Variants in SHISA6 observed in about 807,000 individuals in gnomAD.
SHISA6 encodes protein shisa-6.
Under a neutral mutation model 47.9 loss-of-function variants are expected in SHISA6, and 22 were observed. The observed-to-expected ratio is 0.46, with a 90% CI of 0.33 to 0.66. SHISA6 has a LOEUF of 0.66. SHISA6 is among the 30% of genes least tolerant of loss of function. The pLI, the probability that SHISA6 is intolerant of heterozygous loss-of-function variation, is 0.02. For missense variants in SHISA6, 680 were observed against 764.6 expected (o/e 0.89, Z 1.30); for synonymous variants, 388 against 337.8 (o/e 1.15, Z -1.63).
At chr17:11,519,589 C>T (rs1280450521) in intron 3 of SHISA6, among the ~76,000 whole-genome samples, 1 of 152,062 alleles carries the variant, frequency 6.6e-6, no homozygotes, top group Non-Finnish European at 1.5e-5. Flanking sequence ...AGGACAACTA[C>T]GAACGTACTT....
intron 3 of SHISA6, among the ~76,000 whole-genome samples, chr17:11,421,730 A>G (rs947839131): frequency 3.9e-5 from 6 of 152,242 alleles, no homozygotes; most frequent in African/African-American, 1.4e-4. Flanking sequence ...TTCCAGTAAG[A>G]TAGCAAATCC....
intron 3 of SHISA6, among the ~76,000 whole-genome samples, chr17:11,499,656 G>C (rs999066720): frequency 6.7e-6 from 1 of 148,886 alleles, no homozygotes; most frequent in Admixed American, 6.7e-5. Context: ...TTTCTTTTAA[G>C]TAATTTGAAA....
At chr17:11,288,916 TA>T (rs1286098438) in intron 2 of SHISA6, 1 of 152,212 alleles carries the variant, frequency 6.6e-6, no homozygotes, top group Non-Finnish European at 1.5e-5. Flanking sequence ...CACTTCTTTC[TA>T]GAGTGGAAAT....
At chr17:11,410,387 A>G (rs1914081625) in intron 3 of SHISA6, among the ~76,000 whole-genome samples, 1 of 152,324 alleles carries the variant, frequency 6.6e-6, no homozygotes, top group South Asian at 2.1e-4. Context: ...AGTAGGTACT[A>G]TGAACTTCTG....
At chr17:11,378,130 G>A (rs1190631991) in intron 2 of SHISA6, among the ~76,000 whole-genome samples, 2 of 152,088 alleles carry the variant, frequency 1.3e-5, no homozygotes, top group East Asian at 1.9e-4. Flanking sequence ...AAAAAATCAC[G>A]CTTTGTGTTG....
At chr17:11,294,543 A>T (rs1364678361) in intron 2 of SHISA6, among the ~76,000 whole-genome samples, 1 of 152,186 alleles carries the variant, frequency 6.6e-6, no homozygotes, top group African/African-American at 2.4e-5. Context: ...ACAGAATCCC[A>T]CTGCCAGTCT....
chr17:11,441,366 C>T (rs1000978814), intron 3 of SHISA6, among the ~76,000 whole-genome samples: 2 of 152,160 alleles, frequency 1.3e-5, no homozygotes, highest in African/African-American at 4.8e-5. Context: ...CTAGAACCAT[C>T]AGGAACATGA....
intron 1 of SHISA6, among the ~76,000 whole-genome samples, chr17:11,261,643 C>T (rs188832391): frequency 6.6e-6 from 1 of 152,276 alleles, no homozygotes; most frequent in East Asian, 1.9e-4. Context: ...ATCAGTATGC[C>T]TTTTTTAAAT....
intron 2 of SHISA6, among the ~76,000 whole-genome samples, chr17:11,331,880 G>A (rs977813557): frequency 1.6e-4 from 24 of 151,960 alleles, no homozygotes; most frequent in African/African-American, 5.3e-4. Flanking sequence ...TCCCAGCTCT[G>A]CACACAAACA....
chr17:11,473,465 A>G (rs997626570), intron 3 of SHISA6, among the ~76,000 whole-genome samples: 6 of 152,172 alleles, frequency 3.9e-5, no homozygotes, highest in African/African-American at 1.4e-4. Context: ...TGTTCCTCAC[A>G]TGGCAGAAGA....
At chr17:11,427,554 A>G (rs545621572) in intron 3 of SHISA6, among the ~76,000 whole-genome samples, 1 of 152,230 alleles carries the variant, frequency 6.6e-6, no homozygotes, top group South Asian at 2.1e-4. Context: ...AACTGGCCAG[A>G]CCTGTCTCAC....
chr17:11,427,057 A>C (rs1279012461), intron 3 of SHISA6, among the ~76,000 whole-genome samples: 1 of 152,166 alleles, frequency 6.6e-6, no homozygotes. Flanking sequence ...GGGTAATGCA[A>C]AACTTTTCTA....
chr17:11,437,008 C>T (rs1019472373), intron 3 of SHISA6, among the ~76,000 whole-genome samples: 2 of 152,290 alleles, frequency 1.3e-5, no homozygotes, highest in Middle Eastern at 3.4e-3. Flanking sequence ...TGTCTTAGCC[C>T]ATTCCCTTGA....
chr17:11,293,163 T>C (rs1025736329), intron 2 of SHISA6, among the ~76,000 whole-genome samples: 10 of 152,082 alleles, frequency 6.6e-5, no homozygotes, highest in African/African-American at 2.4e-4. Flanking sequence ...CCAGTTGCTG[T>C]ATGGATTGAT....
chr17:11,290,207 G>A (rs1297368631), intron 2 of SHISA6: 3 of 142,986 alleles, frequency 2.1e-5, no homozygotes, highest in Non-Finnish European at 4.5e-5. Context: ...TTGGAAATTT[G>A]TAGTTTTTGT....
At chr17:11,280,915 G>A (rs1909093620) in intron 2 of SHISA6, among the ~76,000 whole-genome samples, 1 of 152,176 alleles carries the variant, frequency 6.6e-6, no homozygotes, top group Non-Finnish European at 1.5e-5. Flanking sequence ...TGATAGTGGT[G>A]TTTACATTCG....
At chr17:11,486,369 C>T (rs1191494548) in intron 3 of SHISA6, among the ~76,000 whole-genome samples, 2 of 152,196 alleles carry the variant, frequency 1.3e-5, no homozygotes, top group African/African-American at 4.8e-5. Context: ...GTGAGCCCTC[C>T]GGGGCCAGGG....
At chr17:11,473,986 C>T (rs933051501) in intron 3 of SHISA6, among the ~76,000 whole-genome samples, 9 of 152,110 alleles carry the variant, frequency 5.9e-5, no homozygotes, top group African/African-American at 2.2e-4. Context: ...TCAACCCCCA[C>T]TTATGAGTGA....
At chr17:11,458,422 G>T (rs1171654051) in intron 3 of SHISA6, among the ~76,000 whole-genome samples, 1 of 152,168 alleles carries the variant, frequency 6.6e-6, no homozygotes, top group Non-Finnish European at 1.5e-5. Flanking sequence ...AATATCCCAA[G>T]GAGTGAGCTC....
Sources: gnomAD v4.1 joint callset for allele counts (sites outside exome capture counted in the v4.1 genomes callset) on GRCh38, gnomAD v4.1.1 for gene constraint, MANE v1.5 for transcripts, NCBI Gene and HGNC (gene_info 2026-07-23, HGNC 2026-07-21) for gene names.